SNTB2: variants seen among roughly 807,000 people sequenced by gnomAD.
SNTB2 encodes the protein beta-2-syntrophin.
In SNTB2, 34 loss-of-function variants were observed where a neutral mutation model predicts 46.2. The observed-to-expected ratio is 0.74, with a 90% CI of 0.56 to 0.98. The LOEUF is 0.98. Ranked by LOEUF, SNTB2 falls within the 50% of genes least tolerant of loss-of-function variation. The pLI, the probability that SNTB2 is intolerant of heterozygous loss-of-function variation, is 0.00. For synonymous variants in SNTB2, 290 were observed against 312.6 expected (o/e 0.93, Z 0.76); for missense variants, 603 against 731.4 (o/e 0.82, Z 2.02).
intron 1 of SNTB2, among the ~76,000 whole-genome samples, chr16:69,191,588 G>C (rs528118003): frequency 7.3e-6 from 1 of 136,118 alleles, no homozygotes; most frequent in African/African-American, 2.7e-5. Context: ...AGCAAAGCCA[G>C]TAAGTAAAGT....
At chr16:69,247,516 C>G (rs957602622) in intron 2 of SNTB2, among the ~76,000 whole-genome samples, 1 of 152,144 alleles carries the variant, frequency 6.6e-6, no homozygotes, top group African/African-American at 2.4e-5. Context: ...ACAGAAGACA[C>G]CAAGAAACTG....
intron 4 of SNTB2, among the ~76,000 whole-genome samples, chr16:69,280,174 G>A (rs910802245): frequency 6.6e-6 from 1 of 152,296 alleles, no homozygotes; most frequent in East Asian, 1.9e-4. Flanking sequence ...GCACAGGGTT[G>A]GGGGTAAGGT....
intron 1 of SNTB2, among the ~76,000 whole-genome samples, chr16:69,226,386 T>TAAA (rs76519163): frequency 1.5e-5 from 2 of 129,102 alleles, no homozygotes. Context: ...TTCTTAAGAG[T>TAAA]AAAAAAAAAA....
At chr16:69,209,188 G>A (rs764383538) in intron 1 of SNTB2, among the ~76,000 whole-genome samples, 7 of 152,054 alleles carry the variant, frequency 4.6e-5, no homozygotes, top group Non-Finnish European at 1.0e-4. Context: ...AGCCAGGATG[G>A]TCTCGATCTC....
Position 69,304,862 on chromosome 16 carries a change from T to TC in SNTB2, c.*3939dup, listed in dbSNP as rs1423363184. The stretch of plus-strand genomic sequence containing the variant: ...TGGATTTTTTTTTCTTTTTTTTTTT[T>TC]CGCCATGTTGCCCAGGCTGGTCTTG... On this transcript the variant is annotated 3_prime_UTR_variant, in exon 7 of 7. Coordinates refer to ENST00000336278, the MANE Select transcript of SNTB2 (RefSeq NM_006750.4). 6.6e-6 allele frequency: 1 copy of TC among 151,426 alleles called. No homozygotes were observed. Among genetic ancestry groups the TC allele is most frequent in the African/African-American group, 2.4e-5 (1 of 41,202 alleles). 9.4% of individuals were successfully genotyped at this position (151,426 alleles called of 1,614,324 possible).
In SNTB2 at chr16:69,260,085, C is replaced by T. The variant is rs781085738; in HGVS notation, c.830C>T (p.Thr277Met). Reference sequence around the variant, plus strand: ...CTACATTCTCCTGATAGCAGGAACACGTTGATCCTACGCTGCAAAGATACA... The same window carrying T: ...CTACATTCTCCTGATAGCAGGAACATGTTGATCCTACGCTGCAAAGATACA... ...IELHSPDSRN[T>M]LILRCKDTAT... Residue 277 changes from threonine (T) to methionine (M), a missense_variant, in exon 3 of 7, where the codon ACG becomes ATG. Thr to Met is a moderately conservative substitution (Grantham distance 81). This residue lies in a region of SNTB2 where 537 missense variants were observed against 692.4 expected (regional missense o/e 0.78). Transcript: ENST00000336278. The T allele has an allele frequency of 1.6e-5, 26 of 1,613,538 alleles. No homozygotes were observed. Among genetic ancestry groups the T allele is most frequent in the Non-Finnish European group, 1.9e-5 (23 of 1,179,866 alleles).
chr16:69,271,012 T>C (rs1455851209), intron 4 of SNTB2, among the ~76,000 whole-genome samples: 2 of 152,212 alleles, frequency 1.3e-5, no homozygotes, highest in African/African-American at 4.8e-5. Flanking sequence ...AGCTAAATGA[T>C]GAAACTATCT....
At chr16:69,294,123 T>C (rs1362241629) in intron 5 of SNTB2, among the ~76,000 whole-genome samples, 1 of 152,042 alleles carries the variant, frequency 6.6e-6, no homozygotes, top group Non-Finnish European at 1.5e-5. Flanking sequence ...GCTGAAGCAA[T>C]CCTCCCACCA....
intron 1 of SNTB2, among the ~76,000 whole-genome samples, chr16:69,226,541 T>G (rs888923616): frequency 6.6e-6 from 1 of 152,222 alleles, no homozygotes; most frequent in Non-Finnish European, 1.5e-5. Context: ...TTATCTTTCT[T>G]GCTTTTCTCT....
chr16:69,294,768 C>T (rs1404051645), intron 5 of SNTB2, among the ~76,000 whole-genome samples: 1 of 151,736 alleles, frequency 6.6e-6, no homozygotes, highest in Non-Finnish European at 1.5e-5. Flanking sequence ...CCGCAGAGCC[C>T]TGTGTTTATG....
chr16:69,198,659 AT>A, intron 1 of SNTB2, among the ~76,000 whole-genome samples: 1 of 152,258 alleles, frequency 6.6e-6, no homozygotes, highest in East Asian at 1.9e-4. Context: ...AGTTACAAAA[AT>A]TACCTGATTT....
chr16:69,253,602 TTG>T (rs564037811), intron 2 of SNTB2, among the ~76,000 whole-genome samples: 92 of 152,210 alleles, frequency 6.0e-4, no homozygotes, highest in African/African-American at 2.1e-3. Context: ...TGAGCCAAGA[TTG>T]TGCCACTGCA....
chr16:69,218,750 T>A (rs945834960), intron 1 of SNTB2, among the ~76,000 whole-genome samples: 8 of 152,196 alleles, frequency 5.3e-5, no homozygotes, highest in Non-Finnish European at 1.0e-4. Context: ...AAATCTCAAA[T>A]CATAAGAGGT....
chr16:69,191,566 A>G (rs955460900), intron 1 of SNTB2, among the ~76,000 whole-genome samples: 36 of 141,976 alleles, frequency 2.5e-4, no homozygotes, highest in African/African-American at 9.1e-4. Context: ...TCAAAAAAAA[A>G]AAAAAAAAAA....
At chr16:69,192,204 A>C (rs1964061767) in intron 1 of SNTB2, among the ~76,000 whole-genome samples, 1 of 152,174 alleles carries the variant, frequency 6.6e-6, no homozygotes, top group Admixed American at 6.5e-5. Context: ...AGAGGTGATC[A>C]CCTTTGGAGC....
intron 2 of SNTB2, among the ~76,000 whole-genome samples, chr16:69,252,903 GT>G (rs35211076): frequency 0.02 from 2,632 of 133,266 alleles, 71 homozygotes; most frequent in African/African-American, 0.064. Flanking sequence ...CCCTTTGTCA[GT>G]TTTTTTTTTT....
chr16:69,210,845 TAGTC>T (rs1393405219), intron 1 of SNTB2, among the ~76,000 whole-genome samples: 2 of 151,930 alleles, frequency 1.3e-5, no homozygotes, highest in Non-Finnish European at 2.9e-5. Context: ...ATACAAAAAT[TAGTC>T]AGGCGTGGTG....
intron 1 of SNTB2, among the ~76,000 whole-genome samples, chr16:69,195,443 A>AT (rs71383971): frequency 0.096 from 13,286 of 138,996 alleles, 711 homozygotes; most frequent in Middle Eastern, 0.14. Context: ...CCTGGTTTGC[A>AT]TTTTTTTTTT....
chr16:69,272,397 C>A (rs1249540812), intron 4 of SNTB2, among the ~76,000 whole-genome samples: 1 of 150,976 alleles, frequency 6.6e-6, no homozygotes, highest in Non-Finnish European at 1.5e-5. Flanking sequence ...AAAAATTAGC[C>A]AGTGTGGTGT....
Sources: gnomAD v4.1 joint callset for allele counts (sites outside exome capture counted in the v4.1 genomes callset) on GRCh38, gnomAD v4.1.1 for gene constraint, gnomAD v4.1.1 regional missense constraint, MANE v1.5 for transcripts, NCBI Gene and HGNC (gene_info 2026-07-23, HGNC 2026-07-21) for gene names.